RALGAPA2: variants seen among roughly 807,000 people sequenced by gnomAD.
The protein encoded by RALGAPA2 is ral GTPase-activating protein subunit alpha-2.
Under a neutral mutation model 230.4 loss-of-function variants are expected in RALGAPA2, and 139 were observed. The ratio of observed to expected loss-of-function variants is 0.60; its 90% CI spans 0.53 to 0.69. The LOEUF (loss-of-function observed/expected upper bound fraction) is 0.69. RALGAPA2 is among the 30% of genes least tolerant of loss of function. RALGAPA2 has a pLI of 0.00. For missense variants in RALGAPA2, 2,163 were observed against 2,276.0 expected (o/e 0.95, Z 1.01); for synonymous variants, 847 against 837.8 (o/e 1.01, Z -0.19).
chr20:20,494,970 TA>T (rs2062162458), intron 36 of RALGAPA2, 146 bp downstream of exon 36: 2 of 657,778 alleles, frequency 3.0e-6, no homozygotes, highest in Non-Finnish European at 4.6e-6. Context: ...TTAATTCCTA[TA>T]AAGCATGCAT....
intron 37 of RALGAPA2, among the ~76,000 whole-genome samples, chr20:20,464,925 G>A (rs1424490094): frequency 2.0e-5 from 3 of 152,040 alleles, no homozygotes; most frequent in African/African-American, 7.2e-5. Flanking sequence ...GGATCCAGCT[G>A]TAAACTAAAC....
chr20:20,693,730 C>G (rs2069002414), intron 1 of RALGAPA2, among the ~76,000 whole-genome samples: 1 of 152,194 alleles, frequency 6.6e-6, no homozygotes, highest in Non-Finnish European at 1.5e-5. Flanking sequence ...TTCTTACCCC[C>G]ACTAGAAAGG....
At chr20:20,448,396 G>C (rs2060912863) in intron 37 of RALGAPA2, among the ~76,000 whole-genome samples, 1 of 152,278 alleles carries the variant, frequency 6.6e-6, no homozygotes, top group East Asian at 1.9e-4. Context: ...TAATAGATGT[G>C]TTAAGTAAAT....
chr20:20,656,156 C>T (rs1342112621), intron 3 of RALGAPA2, among the ~76,000 whole-genome samples: 1 of 152,162 alleles, frequency 6.6e-6, no homozygotes, highest in East Asian at 1.9e-4. Flanking sequence ...CAAGATGAAG[C>T]TCTGGAGGTA....
rs755922090 is a variant in RALGAPA2, at chr20:20,513,061, G to A, written c.4308C>T (p.Leu1436=). ...CTGTGGGTGTCTGAAGGTAGGAGAT[G>A]AGGGTGCTATCATTAAATACAAACA... is the stretch of plus-strand genomic sequence containing the variant. ...LQLFVFNDST[L]ISYLQTPTEG... The change falls in exon 32 of 40, where the codon CTC becomes CTT. Residue 1436 remains leucine (L), a synonymous_variant. Transcript: ENST00000202677. The A allele has an allele frequency of 3.1e-6, 5 of 1,611,252 alleles. No homozygotes were observed. The highest frequency in any genetic ancestry group is 4.2e-6 in the Non-Finnish European group (5 of 1,178,824).
At chr20:20,496,341 T>C (rs1258946394) in intron 35 of RALGAPA2, among the ~76,000 whole-genome samples, 2 of 152,080 alleles carry the variant, frequency 1.3e-5, no homozygotes, top group East Asian at 3.9e-4. Context: ...CATCTCAAGC[T>C]GGAGAAAGCT....
intron 24 of RALGAPA2, among the ~76,000 whole-genome samples, chr20:20,540,240 G>A (rs796126344): frequency 5.3e-5 from 8 of 152,234 alleles, no homozygotes; most frequent in African/African-American, 1.2e-4. Flanking sequence ...TGTAGTACAC[G>A]GGGATGAAGA....
chr20:20,598,719 T>C (rs2065540226), intron 16 of RALGAPA2: 1 of 455,958 alleles, frequency 2.2e-6, no homozygotes, highest in African/African-American at 2.0e-5. Context: ...AGAGACCAGG[T>C]AAGAGAGCGC....
chr20:20,653,625 G>A, intron 3 of RALGAPA2, 38 bp from the exon 4 acceptor site: 1 of 1,231,756 alleles, frequency 8.1e-7, no homozygotes, highest in Non-Finnish European at 1.1e-6. Context: ...AACAACAAAT[G>A]AAATTACACA....
chr20:20,511,191 T>C (rs1479118273), intron 33 of RALGAPA2, 63 bp downstream of exon 33: 2 of 1,537,002 alleles, frequency 1.3e-6, no homozygotes, highest in Non-Finnish European at 8.7e-7. Context: ...TGCTGTTGTA[T>C]CTGTTATCCA....
intron 38 of RALGAPA2, among the ~76,000 whole-genome samples, chr20:20,411,753 TC>T (rs2122766527): frequency 6.6e-6 from 1 of 152,280 alleles, no homozygotes; most frequent in East Asian, 1.9e-4. Flanking sequence ...AAACCCACAC[TC>T]CTGAATGAAC....
chr20:20,448,366 A>C (rs1228503639), intron 37 of RALGAPA2, among the ~76,000 whole-genome samples: 2 of 152,192 alleles, frequency 1.3e-5, no homozygotes, highest in Admixed American at 6.5e-5. Flanking sequence ...AAAAATCAGG[A>C]TTAAGCTCCT....
At chr20:20,641,962 G>A (rs547474149) in intron 5 of RALGAPA2, among the ~76,000 whole-genome samples, 3 of 151,628 alleles carry the variant, frequency 2.0e-5, no homozygotes, top group Non-Finnish European at 4.4e-5. Context: ...CCCCATTAAC[G>A]GGGTAAATTC....
intron 30 of RALGAPA2, among the ~76,000 whole-genome samples, 159 bp downstream of exon 30, chr20:20,524,247 T>C (rs996123286): frequency 6.6e-6 from 1 of 152,218 alleles, no homozygotes; most frequent in Non-Finnish European, 1.5e-5. Context: ...TGAGCTACCG[T>C]GCCCAGCCAA....
intron 31 of RALGAPA2, among the ~76,000 whole-genome samples, chr20:20,518,848 A>C (rs955723267): frequency 6.6e-6 from 1 of 152,218 alleles, no homozygotes; most frequent in African/African-American, 2.4e-5. Flanking sequence ...CTTTAGGAAA[A>C]AACAAGTTAA....
At chr20:20,696,458 T>C (rs2069115556) in intron 1 of RALGAPA2, among the ~76,000 whole-genome samples, 1 of 152,022 alleles carries the variant, frequency 6.6e-6, no homozygotes, top group African/African-American at 2.4e-5. Flanking sequence ...CATTGATTCC[T>C]TTACACCTAA....
intron 14 of RALGAPA2, among the ~76,000 whole-genome samples, chr20:20,606,188 A>C (rs1438812758): frequency 6.6e-6 from 1 of 152,108 alleles, no homozygotes; most frequent in Non-Finnish European, 1.5e-5. Context: ...TTCTTGAACG[A>C]ATGTTCCACA....
At chr20:20,695,002 G>C (rs2069057073) in intron 1 of RALGAPA2, among the ~76,000 whole-genome samples, 1 of 152,056 alleles carries the variant, frequency 6.6e-6, no homozygotes, top group African/African-American at 2.4e-5. Flanking sequence ...GTACTTCCAG[G>C]GCGTTCGAGA....
At chr20:20,592,157 CTCT>C (rs2065310529) in intron 16 of RALGAPA2, among the ~76,000 whole-genome samples, 1 of 152,164 alleles carries the variant, frequency 6.6e-6, no homozygotes, top group African/African-American at 2.4e-5. Flanking sequence ...CACTGTCCCT[CTCT>C]TCTTACCACC....
Sources: allele counts gnomAD v4.1 joint callset (sites outside exome capture counted in the v4.1 genomes callset), GRCh38; gene constraint gnomAD v4.1.1; transcripts MANE v1.5; gene names NCBI Gene and HGNC (gene_info 2026-07-23, HGNC 2026-07-21).